GPC5: variants seen among roughly 807,000 people sequenced by gnomAD.
GPC5 encodes the protein glypican-5.
A neutral mutation model predicts 53.9 loss-of-function variants in GPC5; 47 were observed. That is an observed-to-expected ratio of 0.87 (90% CI 0.69 to 1.11). The LOEUF (loss-of-function observed/expected upper bound fraction) is 1.11, where lower values mean the gene tolerates loss of function less well. Among genes scored for constraint, GPC5 ranks in the 50% most tolerant of loss-of-function variants. The probability of loss-of-function intolerance (pLI) is 0.00; values close to 1 mark genes in which losing one functional copy is unlikely to be tolerated. For missense variants in GPC5, 748 were observed against 713.1 expected (o/e 1.05, Z -0.56); for synonymous variants, 286 against 263.3 (o/e 1.09, Z -0.84).
intron 7 of GPC5, among the ~76,000 whole-genome samples, chr13:92,436,789 A>G (rs1413367642): frequency 1.3e-5 from 2 of 152,094 alleles, no homozygotes; most frequent in African/African-American, 4.8e-5. Context: ...AGATTATTCA[A>G]TAGGTGATGA....
At chr13:92,066,569 C>T (rs1221065576) in intron 6 of GPC5, among the ~76,000 whole-genome samples, 1 of 151,980 alleles carries the variant, frequency 6.6e-6, no homozygotes, top group Non-Finnish European at 1.5e-5. Context: ...ACATTATATT[C>T]GTTGTTTCTG....
intron 5 of GPC5, among the ~76,000 whole-genome samples, chr13:91,802,574 T>C (rs2038153531): frequency 6.6e-6 from 1 of 152,188 alleles, no homozygotes; most frequent in Non-Finnish European, 1.5e-5. Context: ...ACCCATGTCC[T>C]GCTGATTGGT....
chr13:92,613,647 T>C (rs1884574863), intron 7 of GPC5, among the ~76,000 whole-genome samples: 1 of 136,282 alleles, frequency 7.3e-6, no homozygotes, highest in African/African-American at 2.7e-5. Context: ...AAATATTAAA[T>C]ATATAATATT....
intron 3 of GPC5, among the ~76,000 whole-genome samples, chr13:91,712,740 TA>T (rs2036254216): frequency 6.6e-6 from 1 of 151,938 alleles, no homozygotes; most frequent in South Asian, 2.1e-4. Context: ...AACAAAGAGG[TA>T]TTAGTAGTAT....
chr13:91,414,274 T>C (rs1246667219), intron 1 of GPC5, among the ~76,000 whole-genome samples: 1 of 152,208 alleles, frequency 6.6e-6, no homozygotes, highest in African/African-American at 2.4e-5. Flanking sequence ...AGGGGCTTTT[T>C]CCCCTTTGCG....
At chr13:91,893,523 T>C (rs2039410224) in intron 5 of GPC5, among the ~76,000 whole-genome samples, 1 of 152,094 alleles carries the variant, frequency 6.6e-6, no homozygotes. Context: ...TGCATGTGTA[T>C]GAACATACCT....
At chr13:92,865,322 C>T (rs568026538) in intron 7 of GPC5, among the ~76,000 whole-genome samples, 2 of 152,274 alleles carry the variant, frequency 1.3e-5, no homozygotes, top group South Asian at 2.1e-4. Flanking sequence ...TAGATATCTA[C>T]ACCTCCATCC....
intron 2 of GPC5, among the ~76,000 whole-genome samples, chr13:91,463,941 GA>G (rs1217538855): frequency 4.6e-5 from 7 of 152,050 alleles, no homozygotes; most frequent in Non-Finnish European, 7.4e-5. Context: ...CATGTTCAGA[GA>G]AAGGTTAAGA....
intron 2 of GPC5, among the ~76,000 whole-genome samples, chr13:91,568,271 T>C (rs547595402): frequency 1.3e-5 from 2 of 152,294 alleles, no homozygotes; most frequent in African/African-American, 4.8e-5. Context: ...TGTCATGACA[T>C]GGGAATTTAT....
At chr13:91,874,000 T>G (rs2039176365) in intron 5 of GPC5, among the ~76,000 whole-genome samples, 1 of 152,180 alleles carries the variant, frequency 6.6e-6, no homozygotes, top group Non-Finnish European at 1.5e-5. Context: ...TTATTGAATG[T>G]CTCTGGGCCT....
At chr13:92,840,090 T>TATATATATATATAC (rs968120567) in intron 7 of GPC5, among the ~76,000 whole-genome samples, 1 of 47,730 alleles carries the variant, frequency 2.1e-5, no homozygotes, top group African/African-American at 9.0e-5. Context: ...TATATATATA[T>TATATATATATATAC]ATATATATAT....
chr13:91,731,252 G>A (rs1427317621), intron 4 of GPC5, among the ~76,000 whole-genome samples: 15 of 152,210 alleles, frequency 9.9e-5, no homozygotes, highest in Non-Finnish European at 2.2e-4. Context: ...TGTAATTGGA[G>A]TCACCCTCTG....
chr13:91,964,157 C>T (rs1442962473), intron 6 of GPC5, among the ~76,000 whole-genome samples: 5 of 152,168 alleles, frequency 3.3e-5, no homozygotes, highest in African/African-American at 1.2e-4. Flanking sequence ...GTCTCACTGA[C>T]TTCAGGATTG....
At chr13:91,902,552 C>T (rs183584509) in intron 5 of GPC5, among the ~76,000 whole-genome samples, 118 of 152,090 alleles carry the variant, frequency 7.8e-4, no homozygotes, top group African/African-American at 2.6e-3. Flanking sequence ...AAAAAATCTG[C>T]CTGTCTATAT....
At chr13:91,512,137 G>A (rs954402255) in intron 2 of GPC5, among the ~76,000 whole-genome samples, 7 of 152,268 alleles carry the variant, frequency 4.6e-5, no homozygotes, top group African/African-American at 1.7e-4. Flanking sequence ...CAGAGCTTGT[G>A]ATCAAGATTC....
At chr13:91,754,763 G>A (rs57883840) in intron 4 of GPC5, among the ~76,000 whole-genome samples, 20,427 of 152,086 alleles carry the variant, frequency 0.13, 1,584 homozygotes, top group East Asian at 0.33. Flanking sequence ...AGACATAGCT[G>A]TCTTTGAGGC....
At chr13:91,841,703 G>T (rs1200768886) in intron 5 of GPC5, among the ~76,000 whole-genome samples, 1 of 152,004 alleles carries the variant, frequency 6.6e-6, no homozygotes, top group African/African-American at 2.4e-5. Context: ...GAAAAAAAAG[G>T]AAGAAAGGAA....
intron 7 of GPC5, among the ~76,000 whole-genome samples, chr13:92,771,995 G>C (rs1359388457): frequency 1.3e-5 from 2 of 151,990 alleles, no homozygotes; most frequent in Non-Finnish European, 2.9e-5. Flanking sequence ...CATTCTTTCA[G>C]AAACTCATCT....
chr13:92,679,828 G>A (rs191338458), intron 7 of GPC5, among the ~76,000 whole-genome samples: 1 of 151,738 alleles, frequency 6.6e-6, no homozygotes, highest in Non-Finnish European at 1.5e-5. Context: ...ACTCTCTCTC[G>A]CTCGCGTGCG....
Sources: allele counts gnomAD v4.1 joint callset (sites outside exome capture counted in the v4.1 genomes callset), GRCh38; gene constraint gnomAD v4.1.1; transcripts MANE v1.5; gene names NCBI Gene and HGNC (gene_info 2026-07-23, HGNC 2026-07-21).